Variants in GABRG3 observed in about 807,000 individuals in gnomAD.
The protein encoded by GABRG3 is gamma-aminobutyric acid receptor subunit gamma-3.
GABRG3 carries 25 observed loss-of-function variants against 48.8 expected under a neutral mutation model. That is an observed-to-expected ratio of 0.51 (90% CI 0.37 to 0.72). The LOEUF (loss-of-function observed/expected upper bound fraction) is 0.72. Ranked by LOEUF, GABRG3 falls within the 30% of genes least tolerant of loss-of-function variation. The pLI, the probability that GABRG3 is intolerant of heterozygous loss-of-function variation, is 0.00. For synonymous variants in GABRG3, 227 were observed against 217.6 expected, an observed-to-expected ratio of 1.04 and a Z score of -0.38; for missense variants, 394 against 577.9, an observed-to-expected ratio of 0.68 and a Z score of 3.26.
At chr15:27,333,373 G>A (rs73365206) in intron 5 of GABRG3, among the ~76,000 whole-genome samples, 2,612 of 152,174 alleles carry the variant, frequency 0.017, 78 homozygotes, top group African/African-American at 0.058. Context: ...TCTGTGCCCC[G>A]GCCTTTTTCA....
At chr15:27,233,352 A>G (rs1889857636) in intron 3 of GABRG3, among the ~76,000 whole-genome samples, 2 of 151,782 alleles carry the variant, frequency 1.3e-5, no homozygotes, top group Non-Finnish European at 1.5e-5. Context: ...GGATGCTCTA[A>G]CAGAATACCT....
intron 3 of GABRG3, among the ~76,000 whole-genome samples, chr15:27,157,287 C>G (rs566714093): frequency 6.6e-6 from 1 of 152,288 alleles, no homozygotes; most frequent in South Asian, 2.1e-4. Context: ...CCTTAGGGCA[C>G]TGGAGTTTTA....
intron 3 of GABRG3, among the ~76,000 whole-genome samples, chr15:27,266,765 A>C (rs1420785385): frequency 1.3e-5 from 2 of 150,938 alleles, no homozygotes; most frequent in African/African-American, 4.9e-5. Flanking sequence ...ATTTATGCTC[A>C]TGTATTTTAC....
intron 5 of GABRG3, chr15:27,364,718 A>G (rs1895133896): frequency 6.6e-6 from 1 of 152,178 alleles, no homozygotes; most frequent in African/African-American, 2.4e-5. Flanking sequence ...GGGGCAAATT[A>G]TTAAAAAGAT....
At chr15:27,218,160 T>G (rs1395535248) in intron 3 of GABRG3, among the ~76,000 whole-genome samples, 4 of 152,104 alleles carry the variant, frequency 2.6e-5, no homozygotes, top group Non-Finnish European at 5.9e-5. Context: ...CCTACAGATG[T>G]GTGCTACCAT....
intron 6 of GABRG3, among the ~76,000 whole-genome samples, chr15:27,506,298 C>G (rs1890758950): frequency 6.6e-6 from 1 of 152,170 alleles, no homozygotes; most frequent in African/African-American, 2.4e-5. Flanking sequence ...TGGAAATTAT[C>G]TGGGTGGGCT....
chr15:27,405,859 G>GGA (rs1378186736), intron 5 of GABRG3, among the ~76,000 whole-genome samples: 1 of 150,806 alleles, frequency 6.6e-6, no homozygotes, highest in East Asian at 2.0e-4. Flanking sequence ...CTGGGGGAGG[G>GGA]AATATAGGGA....
chr15:27,369,632 A>G (rs571231746), intron 5 of GABRG3, among the ~76,000 whole-genome samples: 20 of 151,906 alleles, frequency 1.3e-4, no homozygotes, highest in Admixed American at 1.2e-3. Context: ...CCTGGCTGAC[A>G]CTGTCTCTAC....
chr15:27,025,726 T>C (rs1895973021), intron 2 of GABRG3, among the ~76,000 whole-genome samples: 2 of 152,240 alleles, frequency 1.3e-5, no homozygotes, highest in South Asian at 4.1e-4. Flanking sequence ...CATTTGTGAA[T>C]GTTCAGTTCT....
intron 3 of GABRG3, among the ~76,000 whole-genome samples, chr15:27,301,400 C>T (rs1892200423): frequency 6.6e-6 from 1 of 152,014 alleles, no homozygotes; most frequent in Non-Finnish European, 1.5e-5. Flanking sequence ...GAATATACTA[C>T]AGTTTATCTG....
chr15:27,367,148 G>A (rs1895233654), intron 5 of GABRG3, among the ~76,000 whole-genome samples: 8 of 152,134 alleles, frequency 5.3e-5, no homozygotes, highest in Admixed American at 5.2e-4. Context: ...TCCCAGAGGT[G>A]GAGTTTCCAT....
In GABRG3 at chr15:27,520,011, G is replaced by A. The variant is rs1437384711; in HGVS notation, c.752G>A (p.Arg251Lys). 1.9e-6 allele frequency: 3 copies of A among 1,579,194 alleles called. No individual in the cohort carries two copies. In the Admixed American group the frequency reaches 5.5e-5, roughly 29 times the overall value. ...VVMTIYFELS[R>K]RMGYFTIQTY... ...ATGACTATATATTTTGAATTGAGTA[G>A]AAGAATGGGATACTTCACCATTCAG... Residue 251 changes from arginine to lysine, a missense_variant, in exon 7 of 10, where the codon AGA becomes AAA. This residue lies in a region of GABRG3 where 218 missense variants were observed against 309.9 expected (regional missense o/e 0.70). Transcript: ENST00000615808.
At chr15:27,396,199 C>A (rs1042292535) in intron 5 of GABRG3, among the ~76,000 whole-genome samples, 4 of 152,120 alleles carry the variant, frequency 2.6e-5, no homozygotes, top group Admixed American at 6.5e-5. Context: ...GCCATAGATA[C>A]TGTTAAGAGA....
chr15:27,343,841 C>A (rs959841899), intron 5 of GABRG3, among the ~76,000 whole-genome samples: 3 of 152,096 alleles, frequency 2.0e-5, no homozygotes, highest in African/African-American at 7.2e-5. Flanking sequence ...CCAAACAATC[C>A]AATTATTATT....
intron 5 of GABRG3, among the ~76,000 whole-genome samples, chr15:27,397,001 G>A (rs1438174376): frequency 5.3e-5 from 8 of 152,130 alleles, no homozygotes; most frequent in Non-Finnish European, 1.2e-4. Context: ...AGGGAGTGAT[G>A]GTATCGAAGT....
intron 3 of GABRG3, among the ~76,000 whole-genome samples, chr15:27,320,765 G>C (rs1308045881): frequency 6.6e-6 from 1 of 152,094 alleles, no homozygotes; most frequent in African/African-American, 2.4e-5. Flanking sequence ...ATTCCTTTTA[G>C]ATGTGATTTT....
chr15:27,155,913 AT>A (rs1898411622), intron 3 of GABRG3, among the ~76,000 whole-genome samples: 1 of 152,132 alleles, frequency 6.6e-6, no homozygotes, highest in Non-Finnish European at 1.5e-5. Context: ...TAAGGGTAGA[AT>A]TCAGGGCTCC....
At chr15:27,198,822 AG>A (rs1169824504) in intron 3 of GABRG3, among the ~76,000 whole-genome samples, 1 of 152,232 alleles carries the variant, frequency 6.6e-6, no homozygotes, top group Non-Finnish European at 1.5e-5. Flanking sequence ...AGCTATAAAA[AG>A]AATGAGTTTA....
At chr15:27,076,145 C>A (rs971132453) in intron 3 of GABRG3, among the ~76,000 whole-genome samples, 11 of 152,044 alleles carry the variant, frequency 7.2e-5, no homozygotes, top group Admixed American at 7.2e-4. Flanking sequence ...GCACCAAGAA[C>A]TTTGTTTTCA....
Sources: gnomAD v4.1 joint callset for allele counts (sites outside exome capture counted in the v4.1 genomes callset) on GRCh38, gnomAD v4.1.1 for gene constraint, gnomAD v4.1.1 regional missense constraint, MANE v1.5 for transcripts, NCBI Gene and HGNC (gene_info 2026-07-23, HGNC 2026-07-21) for gene names.